The following GRIN2A variants were observed in gnomAD, a reference collection of about 807,000 sequenced individuals.
The protein encoded by GRIN2A is glutamate ionotropic receptor NMDA type subunit 2A, also known as glutamate receptor ionotropic, NMDA 2A.
In GRIN2A, 22 loss-of-function variants were observed where a neutral mutation model predicts 113.4. The ratio of observed to expected loss-of-function variants is 0.19; its 90% CI spans 0.14 to 0.28. The LOEUF is 0.28. Among genes scored for constraint, GRIN2A ranks in the 10% least tolerant of loss-of-function variants. GRIN2A has a pLI of 1.00. For synonymous variants in GRIN2A, 827 were observed against 738.4 expected (o/e 1.12, Z -1.94); for missense variants, 1,502 against 1,887.0 (o/e 0.80, Z 3.78).
chr16:10,174,908 T>C (rs1210723640), intron 2 of GRIN2A, among the ~76,000 whole-genome samples: 6 of 151,548 alleles, frequency 4.0e-5, no homozygotes, highest in Non-Finnish European at 7.4e-5. Flanking sequence ...AGTACAGTCA[T>C]GTGCTGCATA....
At chr16:10,107,119 T>C (rs1455045808) in intron 2 of GRIN2A, among the ~76,000 whole-genome samples, 2 of 152,232 alleles carry the variant, frequency 1.3e-5, no homozygotes, top group Non-Finnish European at 2.9e-5. Context: ...CTGGATTTCC[T>C]GCTGATTGAA....
At chr16:9,892,950 AG>A (rs112701061) in intron 3 of GRIN2A, among the ~76,000 whole-genome samples, 25,648 of 132,492 alleles carry the variant, frequency 0.19, 2,338 homozygotes, top group African/African-American at 0.24. Context: ...AAAAAAAAAA[AG>A]AAGAAGAAGA....
chr16:9,810,366 G>C (rs1261693186), intron 10 of GRIN2A, among the ~76,000 whole-genome samples: 1 of 152,206 alleles, frequency 6.6e-6, no homozygotes, highest in African/African-American at 2.4e-5. Context: ...AGGAGGTGAT[G>C]TTGGGAAAAC....
intron 2 of GRIN2A, among the ~76,000 whole-genome samples, chr16:10,073,669 A>G (rs1039129707): frequency 2.0e-5 from 3 of 152,032 alleles, no homozygotes; most frequent in African/African-American, 7.3e-5. Context: ...AAAAACTTTT[A>G]TTCATCAAAG....
At chr16:10,179,476 C>G (rs1029394015) in intron 2 of GRIN2A, 1 of 170,190 alleles carries the variant, frequency 5.9e-6, no homozygotes, top group African/African-American at 2.4e-5. Flanking sequence ...TTTTTCTGCC[C>G]TTTTGTGCTT....
Position 9,937,995 on chromosome 16 carries a change from A to G in GRIN2A, c.971T>C (p.Met324Thr), listed in dbSNP as rs1233711595. The G allele has an allele frequency of 6.2e-7, 1 of 1,614,034 alleles. No homozygotes were observed. Among genetic ancestry groups the G allele is most frequent in the Admixed American group, 1.7e-5 (1 of 60,024 alleles). ...PEAKASCYGQ[M>T]ERPEVPMHTL... ...GTGCATCGGGACCTCTGGCCTCTCC[A>G]TCTGCCCGTAGCAGCTGGCCTTGGC... Residue 324 changes from methionine to threonine, a missense_variant, in exon 3 of 13, where the codon ATG becomes ACG. By Grantham distance (81) the Met-to-Thr change is moderately conservative. This residue lies in a region of GRIN2A where 334 missense variants were observed against 403.0 expected (regional missense o/e 0.83). Coordinates refer to ENST00000330684, the MANE Select transcript of GRIN2A (RefSeq NM_001134407.3).
chr16:9,979,301 A>C (rs1317970838), intron 2 of GRIN2A, among the ~76,000 whole-genome samples: 2 of 152,158 alleles, frequency 1.3e-5, no homozygotes, highest in African/African-American at 4.8e-5. Context: ...TCTGAAGACG[A>C]GATCAGCTCC....
At chr16:10,041,657 T>G (rs910225526) in intron 2 of GRIN2A, among the ~76,000 whole-genome samples, 2 of 152,174 alleles carry the variant, frequency 1.3e-5, no homozygotes, top group African/African-American at 4.8e-5. Flanking sequence ...AGGGATGCAA[T>G]AAGAGTTAAA....
chr16:9,892,948 A>AAG (rs1555501355), intron 3 of GRIN2A, among the ~76,000 whole-genome samples: 136 of 146,490 alleles, frequency 9.3e-4, no homozygotes, highest in Non-Finnish European at 1.8e-3. Context: ...AAAAAAAAAA[A>AAG]AAGAAGAAGA....
intron 2 of GRIN2A, among the ~76,000 whole-genome samples, chr16:9,982,201 G>A (rs573349837): frequency 6.6e-6 from 1 of 152,302 alleles, no homozygotes; most frequent in East Asian, 1.9e-4. Flanking sequence ...TGCCCATGAT[G>A]TCATCTAACA....
chr16:9,878,833 A>G (rs1483019093), intron 4 of GRIN2A, among the ~76,000 whole-genome samples: 1 of 151,158 alleles, frequency 6.6e-6, no homozygotes, highest in African/African-American at 2.5e-5. Context: ...AACAACAGCA[A>G]CAACAAAAGA....
chr16:9,989,396 G>T (rs1297489586), intron 2 of GRIN2A, among the ~76,000 whole-genome samples: 1 of 149,010 alleles, frequency 6.7e-6, no homozygotes, highest in Non-Finnish European at 1.5e-5. Context: ...AACCCAAGAT[G>T]GATTAAAGAC....
chr16:10,118,150 CT>C (rs2048763894), intron 2 of GRIN2A, among the ~76,000 whole-genome samples: 1 of 152,182 alleles, frequency 6.6e-6, no homozygotes, highest in Admixed American at 6.5e-5. Context: ...AAGACTGAGT[CT>C]GACAGAGGAA....
At chr16:9,828,615 T>C (rs1255090382) in intron 9 of GRIN2A, among the ~76,000 whole-genome samples, 1 of 152,220 alleles carries the variant, frequency 6.6e-6, no homozygotes, top group Non-Finnish European at 1.5e-5. Flanking sequence ...GGATGTTTCC[T>C]GAACTAAAGT....
intron 11 of GRIN2A, among the ~76,000 whole-genome samples, chr16:9,788,740 C>CTTT (rs748774026): frequency 4.8e-5 from 5 of 104,856 alleles, no homozygotes; most frequent in Non-Finnish European, 7.7e-5. Context: ...TTTAAGTCTT[C>CTTT]TTTTTTTTTT....
intron 4 of GRIN2A, among the ~76,000 whole-genome samples, chr16:9,888,400 TTATCTTTC>T (rs2043627807): frequency 6.6e-6 from 1 of 152,164 alleles, no homozygotes; most frequent in Non-Finnish European, 1.5e-5. Context: ...CTAGATAGTT[TTATCTTTC>T]ACATTTAAGC....
rs375211030 is a variant in GRIN2A, at chr16:9,900,241, G to C, written c.1008-9141C>G. Among the ~76,000 whole-genome samples, 145 of 152,328 alleles carry C rather than the reference G, an allele frequency of 9.5e-4. 2 individuals carry two copies. Among genetic ancestry groups the C allele is most frequent in the African/African-American group, 3.2e-3 (135 of 41,580 alleles). ...TCCAGTCCCCGAAGGGAGGCAATGA[G>C]AGCTCGTCTAGGCCCTACCCCAAGG... On this transcript the variant is annotated intron_variant, in intron 3 of 12. Coordinates refer to ENST00000330684, the MANE Select transcript of GRIN2A (RefSeq NM_001134407.3).
chr16:10,072,558 T>C (rs1300523992), intron 2 of GRIN2A, among the ~76,000 whole-genome samples: 2 of 152,150 alleles, frequency 1.3e-5, no homozygotes, highest in Non-Finnish European at 2.9e-5. Flanking sequence ...TAGGTGATTA[T>C]AGTATGCAGT....
intron 2 of GRIN2A, among the ~76,000 whole-genome samples, chr16:9,982,428 T>C (rs1052893778): frequency 6.6e-6 from 1 of 152,234 alleles, no homozygotes; most frequent in Non-Finnish European, 1.5e-5. Context: ...AATTCTACTA[T>C]TCCTTCTTCA....
Sources: allele counts gnomAD v4.1 joint callset (sites outside exome capture counted in the v4.1 genomes callset), GRCh38; gene constraint gnomAD v4.1.1; regional missense constraint gnomAD v4.1.1; transcripts MANE v1.5; gene names NCBI Gene and HGNC (gene_info 2026-07-23, HGNC 2026-07-21).